Variants in ZFTRAF1 observed in about 807,000 individuals in gnomAD.
ZFTRAF1 encodes zinc finger TRAF-type-containing protein 1.
the ZFTRAF1 span, among the ~76,000 whole-genome samples, chr8:144,458,105 A>G: frequency 1.3e-5 from 2 of 152,348 alleles, no homozygotes; most frequent in South Asian, 2.1e-4. Flanking sequence ...AACCTCCCGA[A>G]TCAAACATGG....
At chr8:144,458,902 C>T in the ZFTRAF1 span, among the ~76,000 whole-genome samples, 5 of 152,206 alleles carry the variant, frequency 3.3e-5, no homozygotes, top group Non-Finnish European at 7.3e-5. Context: ...CTGTGAGAGG[C>T]CCCTGCCCGG....
chr8:144,451,735 G>A, the ZFTRAF1 span: 260 of 163,476 alleles, frequency 1.6e-3, 1 homozygote, highest in African/African-American at 6.1e-3. Flanking sequence ...TCCCCGACAC[G>A]TTCAAAGGCG....
At chr8:144,459,815 G>A in the ZFTRAF1 span, among the ~76,000 whole-genome samples, 1 of 152,224 alleles carries the variant, frequency 6.6e-6, no homozygotes, top group Non-Finnish European at 1.5e-5. Context: ...TGCCCACCCT[G>A]AGCCATGTGT....
chr8:144,458,147 C>T, the ZFTRAF1 span, among the ~76,000 whole-genome samples: 1 of 152,224 alleles, frequency 6.6e-6, no homozygotes, highest in African/African-American at 2.4e-5. Flanking sequence ...TGTCCAAGGC[C>T]GCACAGCTGT....
the ZFTRAF1 span, chr8:144,451,509 C>G: frequency 1.3e-5 from 2 of 153,496 alleles, no homozygotes; most frequent in Non-Finnish European, 2.9e-5. Context: ...GGCCCTCGGC[C>G]TCTCTGGCCT....
the ZFTRAF1 span, chr8:144,451,818 C>G: frequency 5.1e-6 from 1 of 196,048 alleles, no homozygotes; most frequent in African/African-American, 2.3e-5. Context: ...CTGTGGGTGT[C>G]CACTCCCGGT....
At chr8:144,451,905 C>T in the ZFTRAF1 span, 1 of 255,340 alleles carries the variant, frequency 3.9e-6, no homozygotes, top group Admixed American at 4.8e-5. Flanking sequence ...CCTTGAGAGG[C>T]CCATGGCCGG....
the ZFTRAF1 span, among the ~76,000 whole-genome samples, chr8:144,458,637 A>G: frequency 6.6e-6 from 1 of 152,170 alleles, no homozygotes; most frequent in Non-Finnish European, 1.5e-5. Context: ...CATGTGGCAT[A>G]GAGACATGGG....
At chr8:144,460,740 G>A in the ZFTRAF1 span, among the ~76,000 whole-genome samples, 15 of 152,280 alleles carry the variant, frequency 9.9e-5, no homozygotes, top group African/African-American at 2.4e-4. Flanking sequence ...AAAAACAGCC[G>A]GGCATGGTGG....
At chr8:144,451,185 G>A in the ZFTRAF1 span, 1 of 176,212 alleles carries the variant, frequency 5.7e-6, no homozygotes, top group Non-Finnish European at 1.2e-5. Flanking sequence ...AAAGCCAGCA[G>A]GCGGCTGCGG....
the ZFTRAF1 span, chr8:144,452,701 C>G: frequency 3.6e-6 from 3 of 822,244 alleles, no homozygotes; most frequent in Admixed American, 7.7e-5. Flanking sequence ...GAGCCCACCC[C>G]CCAGGATGAG....
chr8:144,452,599 A>G, the ZFTRAF1 span: 1 of 1,526,276 alleles, frequency 6.6e-7, no homozygotes, highest in Non-Finnish European at 8.8e-7. Context: ...TCACTCACAG[A>G]CTGAGCCCCG....
chr8:144,462,156 G>C, the ZFTRAF1 span: 2 of 369,612 alleles, frequency 5.4e-6, no homozygotes, highest in African/African-American at 4.3e-5. Context: ...TGGCTGTAAG[G>C]GCCAGAGAGG....
At chr8:144,461,245 G>A in the ZFTRAF1 span, among the ~76,000 whole-genome samples, 35 of 152,344 alleles carry the variant, frequency 2.3e-4, no homozygotes, top group South Asian at 2.7e-3. Flanking sequence ...TCAAACACAA[G>A]CAGGGAAACA....
the ZFTRAF1 span, chr8:144,452,206 G>A: frequency 4.6e-6 from 4 of 864,342 alleles, no homozygotes; most frequent in East Asian, 8.0e-5. Flanking sequence ...CTTCTCGACC[G>A]AGGTGTCCAC....
chr8:144,461,350 G>A, the ZFTRAF1 span, among the ~76,000 whole-genome samples: 1 of 152,198 alleles, frequency 6.6e-6, no homozygotes, highest in East Asian at 1.9e-4. Context: ...TTGAAAGAGA[G>A]GGAAAGACAC....
At chr8:144,453,197 G>A in the ZFTRAF1 span, 1 of 1,545,930 alleles carries the variant, frequency 6.5e-7, no homozygotes, top group Middle Eastern at 1.8e-4. Context: ...CCGCCTGTAA[G>A]GCTAAGCCCC....
chr8:144,454,543 C>T, the ZFTRAF1 span: 3 of 152,376 alleles, frequency 2.0e-5, no homozygotes, highest in Non-Finnish European at 4.4e-5. Flanking sequence ...CCTGATGCCT[C>T]TCCAGCAGCC....
chr8:144,450,144 G>A, the ZFTRAF1 span: 1 of 524,902 alleles, frequency 1.9e-6, no homozygotes, highest in South Asian at 2.2e-5. Context: ...CTCCTCTTCG[G>A]GTCAGCCCAG....
Sources: allele counts gnomAD v4.1 joint callset (sites outside exome capture counted in the v4.1 genomes callset), GRCh38; gene constraint gnomAD v4.1.1; transcripts MANE v1.5; gene names NCBI Gene and HGNC (gene_info 2026-07-23, HGNC 2026-07-21).